Variants in RPS26 observed in about 807,000 individuals in gnomAD.
The protein encoded by RPS26 is small ribosomal subunit protein eS26.
A neutral mutation model predicts 14.7 loss-of-function variants in RPS26; 1 was observed. The ratio of observed to expected loss-of-function variants is 0.07; its 90% confidence interval spans 0.02 to 0.32. The LOEUF is 0.32. Among genes scored for constraint, RPS26 ranks in the 10% least tolerant of loss-of-function variants. The pLI, the probability that RPS26 is intolerant of heterozygous loss-of-function variation, is 1.00. For missense variants in RPS26, 63 were observed against 157.7 expected (o/e 0.40, Z 3.22); for synonymous variants, 59 against 53.1 (o/e 1.11, Z -0.48).
At chr12:56,043,594 A>G in intron 3 of RPS26, 101 bp downstream of exon 3, 1 of 1,202,774 alleles carries the variant, frequency 8.3e-7, no homozygotes. Flanking sequence ...ACACTTTGGG[A>G]GGCTGGGACA....
chr12:56,042,670 C>T (rs1251741874), intron 2 of RPS26, 68 bp downstream of exon 2: 1 of 1,341,454 alleles, frequency 7.5e-7, no homozygotes, highest in Non-Finnish European at 1.1e-6. Context: ...CAACTTCGCC[C>T]TTTTGGAGGC....
At position 56,042,140 on chromosome 12, in the gene RPS26, C is replaced by G; in HGVS notation, c.-27C>G. On this transcript the variant is annotated 5_prime_UTR_variant, in exon 1 of 4. Coordinates refer to ENST00000646449, the MANE Select transcript of RPS26 (RefSeq NM_001029.5). ...ATAGGAGGGCCCTGCCAGGCACCGT[C>G]TCCTCTCTCCGGTCCGTGCCTCCAA... 1 of 1,613,966 alleles carries G rather than the reference C, an allele frequency of 6.2e-7. No homozygotes were observed. Among genetic ancestry groups the G allele is most frequent in the East Asian group, 2.2e-5 (1 of 44,874 alleles).
Position 56,044,398 on chromosome 12 carries a change from C to A in RPS26, c.*244C>A, listed in dbSNP as rs1895936888. ...AGTCTTTGTCGCCCAAGCTGAATTGCAGTGGCGTGATCTCAGCTCACTGCA... is the reference window on the plus strand; with the variant it reads ...AGTCTTTGTCGCCCAAGCTGAATTGAAGTGGCGTGATCTCAGCTCACTGCA... On this transcript the variant is annotated 3_prime_UTR_variant, in exon 4 of 4. Coordinates refer to ENST00000646449, the MANE Select transcript of RPS26 (RefSeq NM_001029.5). The A allele has an allele frequency of 2.2e-6, 1 of 446,222 alleles. No individual in the cohort carries two copies. Among genetic ancestry groups the A allele is most frequent in the South Asian group, 2.5e-5 (1 of 40,088 alleles). 27.6% of individuals were successfully genotyped at this position (446,222 alleles called of 1,614,324 possible). A position where few individuals can be genotyped will look rare whatever the true frequency, so the allele number is the denominator to read the frequency against.
chr12:56,044,120 G>T lies in RPS26; in HGVS notation c.314G>T (p.Gly105Val). ...RTPPPRFRPA[G>V]AAPRPPPKPM ...CTCTTTTGTTTCTTTGTCTTTCAGGGTGCTGCCCCACGTCCCCCACCAAAG... is the reference window on the plus strand; with the variant it reads ...CTCTTTTGTTTCTTTGTCTTTCAGGTTGCTGCCCCACGTCCCCCACCAAAG... Residue 105 changes from glycine (G) to valine (V), a missense_variant and splice_region_variant, in exon 4 of 4, where the codon GGT (glycine) becomes GTT (valine). Coordinates refer to ENST00000646449, the MANE Select transcript of RPS26 (RefSeq NM_001029.5). The T allele has an allele frequency of 1.2e-6, 2 of 1,613,378 alleles. No homozygotes were observed. Among genetic ancestry groups the T allele is most frequent in the Non-Finnish European group, 8.5e-7 (1 of 1,179,462 alleles).
In RPS26 at chr12:56,044,295, C is replaced by A; in HGVS notation, c.*141C>A. 2 of 625,530 alleles carry A rather than the reference C, an allele frequency of 3.2e-6. No individual in the cohort carries two copies. The highest frequency in any genetic ancestry group is 2.9e-5 in the East Asian group (1 of 34,056). The allele number at this position is 625,530 out of a possible 1,614,324, so 38.7% of individuals were successfully genotyped here. On this transcript the variant is annotated 3_prime_UTR_variant, in exon 4 of 4. Transcript: ENST00000646449. The stretch of plus-strand genomic sequence containing the variant: ...GTGTTAGACCAAGTGTGAAGTGACA[C>A]ACATTATTTTCATGGGGAAGAAAGC...
intron 2 of RPS26, 122 bp from the exon 3 acceptor site, chr12:56,043,241 C>T (rs991698778): frequency 2.4e-5 from 23 of 966,932 alleles, no homozygotes; most frequent in South Asian, 1.4e-4. Flanking sequence ...TTTATGTGCC[C>T]GACAGGCATT....
At position 56,041,947 on chromosome 12, in the gene RPS26, C is replaced by T. The variant is rs571418292; in HGVS notation, c.-220C>T. Reference sequence around the variant, plus strand: ...TTCTTCCGCCATCCGGCTAAATAGTCCCATGTGCACTTTGTTCCATGGATA... The same window carrying T: ...TTCTTCCGCCATCCGGCTAAATAGTTCCATGTGCACTTTGTTCCATGGATA... On this transcript the variant is annotated 5_prime_UTR_variant, in exon 1 of 4. Transcript: ENST00000646449. 4.7e-6 allele frequency: 3 copies of T among 639,338 alleles called. No homozygotes were observed. Among genetic ancestry groups the T allele is most frequent in the African/African-American group, 1.8e-5 (1 of 55,922 alleles). The allele number at this position is 639,338 out of a possible 1,614,324, so 39.6% of individuals were successfully genotyped here.
At chr12:56,043,169 T>C (rs982196405) in intron 2 of RPS26, 194 bp from the exon 3 acceptor site, 12 of 571,218 alleles carry the variant, frequency 2.1e-5, no homozygotes, top group African/African-American at 1.9e-4. Context: ...AATTCACTTG[T>C]AAAACTGAGG....
At position 56,042,163 on chromosome 12, in the gene RPS26, C is replaced by G; in HGVS notation, c.-4C>G. On this transcript the variant is annotated 5_prime_UTR_variant, in exon 1 of 4. Transcript: ENST00000646449. Reference sequence around the variant, plus strand: ...GTCTCCTCTCTCCGGTCCGTGCCTCCAAGATGGTGAGTCTTCTTGCGTGGT... The same window carrying G: ...GTCTCCTCTCTCCGGTCCGTGCCTCGAAGATGGTGAGTCTTCTTGCGTGGT... 6.2e-7 allele frequency: 1 copy of G among 1,614,088 alleles called. No homozygotes were observed. The highest frequency in any genetic ancestry group is 8.5e-7 in the Non-Finnish European group (1 of 1,180,014).
At chr12:56,042,923 A>G (rs76767061) in intron 2 of RPS26, 638 of 453,804 alleles carry the variant, frequency 1.4e-3, no homozygotes, top group Middle Eastern at 6.0e-3. Context: ...GAAAATATAC[A>G]GGTGAGGAAG....
chr12:56,044,012 T>C, intron 3 of RPS26, 107 bp from the exon 4 acceptor site: 2 of 951,860 alleles, frequency 2.1e-6, no homozygotes, highest in South Asian at 2.6e-5. Context: ...CATGCATTTG[T>C]AGCCTGAATA....
rs373816816 is a variant in RPS26 at position 56,043,469 on chromosome 12, A to G, written c.288A>G (p.Thr96=). The change falls in exon 3 of 4, where the codon ACA becomes ACG. Residue 96 remains threonine, a synonymous_variant. Transcript: ENST00000646449. ...NRSREARKDR[T]PPPRFRPAGA... is the part of the protein sequence containing the mutation. ...CTCGTGAAGCCCGCAAGGACCGAAC[A>G]CCCCCACCCCGATTTAGACCTGCGG... 11 of 1,613,474 alleles carry G rather than the reference A, an allele frequency of 6.8e-6. No homozygotes were observed. The highest frequency in any genetic ancestry group is 9.3e-6 in the Non-Finnish European group (11 of 1,179,850).
At chr12:56,042,204 G>A (rs1247669618) in intron 1 of RPS26, 35 bp downstream of exon 1, 3 of 1,613,618 alleles carry the variant, frequency 1.9e-6, no homozygotes, top group East Asian at 2.2e-5. Flanking sequence ...TGGGGGTTCG[G>A]GTGCAGACTC....
At chr12:56,043,709 G>T (rs1393749534) in intron 3 of RPS26, among the ~76,000 whole-genome samples, 2 of 152,108 alleles carry the variant, frequency 1.3e-5, no homozygotes, top group Admixed American at 6.6e-5. Context: ...TGCTCGAGAG[G>T]CTGAGGCAGG....
Position 56,044,346 on chromosome 12 carries a change from T to A in RPS26, c.*192T>A. 7 of 80,818 alleles carry A rather than the reference T, an allele frequency of 8.7e-5. No individual in the cohort carries two copies. Among genetic ancestry groups the A allele is most frequent in the Non-Finnish European group, 1.2e-4 (5 of 43,232 alleles). The allele number at this position is 80,818 out of a possible 1,614,324, so 5.0% of individuals were successfully genotyped here. Reference sequence around the variant, plus strand: ...TTATTCATGTAATTTAATTTTTTTCTTTTTTTTTTTTTTTTTTTTGAGACG... The same window carrying A: ...TTATTCATGTAATTTAATTTTTTTCATTTTTTTTTTTTTTTTTTTGAGACG... On this transcript the variant is annotated 3_prime_UTR_variant, in exon 4 of 4. Transcript: ENST00000646449.
At chr12:56,042,767 C>A (rs560279404) in intron 2 of RPS26, 165 bp downstream of exon 2, 17 of 701,672 alleles carry the variant, frequency 2.4e-5, no homozygotes, top group Admixed American at 6.2e-5. Context: ...CGTTTTGATT[C>A]TTTTCTGGGC....
Position 56,044,337 on chromosome 12 carries a change from ATTTTTTTCTT to A in RPS26, c.*191_*200del. 1 of 461,512 alleles carries A rather than the reference ATTTTTTTCTT, an allele frequency of 2.2e-6. No homozygotes were observed. The highest frequency in any genetic ancestry group is 3.7e-6 in the Non-Finnish European group (1 of 268,904). The allele number at this position is 461,512 out of a possible 1,614,324, so 28.6% of individuals were successfully genotyped here. A position where few individuals can be genotyped will look rare whatever the true frequency, so the allele number is the denominator to read the frequency against. ...GAAGAAAGCTTATTCATGTAATTTA[ATTTTTTTCTT>A]TTTTTTTTTTTTTTTTTTGAGACGG... On this transcript the variant is annotated 3_prime_UTR_variant, in exon 4 of 4. Coordinates refer to ENST00000646449, the MANE Select transcript of RPS26 (RefSeq NM_001029.5).
chr12:56,043,968 G>A, intron 3 of RPS26, 151 bp from the exon 4 acceptor site: 2 of 794,690 alleles, frequency 2.5e-6, no homozygotes, highest in South Asian at 2.7e-5. Flanking sequence ...TTAGGATGCA[G>A]AGTAGTGTTC....
chr12:56,043,102 G>A, intron 2 of RPS26: 1 of 451,852 alleles, frequency 2.2e-6, no homozygotes, highest in South Asian at 2.0e-5. Flanking sequence ...TTGGTTTATT[G>A]CATTTAGAAT....
Sources: allele counts gnomAD v4.1 joint callset (sites outside exome capture counted in the v4.1 genomes callset), GRCh38; gene constraint gnomAD v4.1.1; transcripts MANE v1.5; gene names NCBI Gene and HGNC (gene_info 2026-07-23, HGNC 2026-07-21).